Variants in LIN28B observed in about 807,000 individuals in gnomAD.
The protein encoded by LIN28B is lin-28 RNA binding posttranscriptional regulator B, also known as protein lin-28 homolog B.
Under a neutral mutation model 21.9 loss-of-function variants are expected in LIN28B, and 5 were observed. The observed-to-expected ratio is 0.23, with a 90% CI of 0.12 to 0.48. LIN28B has a LOEUF of 0.48. LIN28B is among the 20% of genes least tolerant of loss of function. The pLI is 0.98. For synonymous variants in LIN28B, 109 were observed against 111.3 expected (o/e 0.98, Z 0.13); for missense variants, 245 against 310.5 (o/e 0.79, Z 1.58).
At chr6:104,961,110 TA>T (rs1176658870) in intron 2 of LIN28B, among the ~76,000 whole-genome samples, 2 of 152,208 alleles carry the variant, frequency 1.3e-5, no homozygotes, top group Non-Finnish European at 2.9e-5. Context: ...TAAATAATCA[TA>T]TTTTTATGAT....
intron 2 of LIN28B, among the ~76,000 whole-genome samples, chr6:104,982,396 A>G (rs1195059157): frequency 6.6e-6 from 1 of 152,230 alleles, no homozygotes; most frequent in Non-Finnish European, 1.5e-5. Flanking sequence ...TAATGCCCCA[A>G]AAGCATGTTT....
chr6:105,031,512 A>G (rs896354971), intron 3 of LIN28B, among the ~76,000 whole-genome samples: 1 of 151,586 alleles, frequency 6.6e-6, no homozygotes, highest in Non-Finnish European at 1.5e-5. Flanking sequence ...ATTGTCATAT[A>G]GTAAAATTGA....
chr6:105,003,656 G>T (rs1044857925), intron 2 of LIN28B, among the ~76,000 whole-genome samples: 5 of 151,970 alleles, frequency 3.3e-5, no homozygotes, highest in African/African-American at 1.2e-4. Flanking sequence ...GGGACTACAG[G>T]GGTGCGCCAC....
chr6:104,967,674 AATT>A (rs199904941), intron 2 of LIN28B, among the ~76,000 whole-genome samples: 107 of 148,454 alleles, frequency 7.2e-4, no homozygotes, highest in African/African-American at 2.0e-3. Flanking sequence ...TTATTTAATT[AATT>A]ATTATTATTA....
intron 3 of LIN28B, among the ~76,000 whole-genome samples, chr6:105,040,060 G>A (rs573914774): frequency 1.1e-4 from 16 of 151,908 alleles, no homozygotes; most frequent in South Asian, 6.2e-4. Flanking sequence ...TTTTCTCCTC[G>A]TTTACTCAGA....
intron 2 of LIN28B, among the ~76,000 whole-genome samples, chr6:104,961,963 A>G (rs1417006783): frequency 6.6e-6 from 1 of 152,232 alleles, no homozygotes. Context: ...GGGCAACGTT[A>G]ACCTAATAAC....
rs1778181259 is a variant in LIN28B, at chr6:104,948,291, A to AC, written c.19-2166dup. ...AGGCCAGCCTGGCCAACATAGTGAA[A>AC]CCCCATCTCTACTAAAAATAGAAAA... On this transcript the variant is annotated intron_variant, in intron 2 of 5. Transcript: ENST00000635857. 2.6e-5 allele frequency among the ~76,000 whole-genome samples: 4 copies of AC among 152,276 alleles called. No homozygotes were observed. In the South Asian group the frequency reaches 8.3e-4, roughly 32 times the overall value.
intron 3 of LIN28B, among the ~76,000 whole-genome samples, chr6:105,046,385 A>T (rs982027329): frequency 6.6e-6 from 1 of 152,212 alleles, no homozygotes; most frequent in Non-Finnish European, 1.5e-5. Flanking sequence ...CATGGTGTAT[A>T]TGTGCCACAT....
At chr6:105,057,432 C>T (rs1408009702) in intron 3 of LIN28B, among the ~76,000 whole-genome samples, 5 of 152,178 alleles carry the variant, frequency 3.3e-5, no homozygotes, top group African/African-American at 1.2e-4. Flanking sequence ...ACATGCAGCT[C>T]ATTTGAAGAG....
intron 2 of LIN28B, among the ~76,000 whole-genome samples, chr6:104,959,822 T>C (rs1229662129): frequency 6.6e-6 from 1 of 152,212 alleles, no homozygotes; most frequent in Non-Finnish European, 1.5e-5. Context: ...AAATTGTTTT[T>C]TATGATCTCA....
At chr6:105,075,994 A>C (rs1359707609) in intron 3 of LIN28B, among the ~76,000 whole-genome samples, 1 of 152,216 alleles carries the variant, frequency 6.6e-6, no homozygotes, top group Non-Finnish European at 1.5e-5. Flanking sequence ...ATTGTAGAGG[A>C]GAACTGTGTG....
intron 2 of LIN28B, among the ~76,000 whole-genome samples, chr6:104,945,456 CTTG>C (rs1474457105): frequency 6.6e-6 from 1 of 151,754 alleles, no homozygotes; most frequent in Non-Finnish European, 1.5e-5. Flanking sequence ...ATAAAATTTC[CTTG>C]TTATTATTGT....
intron 2 of LIN28B, among the ~76,000 whole-genome samples, chr6:105,025,807 CTTT>C (rs530956563): frequency 6.9e-6 from 1 of 145,416 alleles, no homozygotes. Flanking sequence ...TTCTTTAACT[CTTT>C]TTTTTTTTAA....
At chr6:104,960,650 A>G (rs1769721345) in intron 2 of LIN28B, among the ~76,000 whole-genome samples, 1 of 152,020 alleles carries the variant, frequency 6.6e-6, no homozygotes, top group Admixed American at 6.5e-5. Flanking sequence ...TTAATAATGT[A>G]TATTTGGAGA....
intron 2 of LIN28B, among the ~76,000 whole-genome samples, chr6:104,987,859 C>T (rs937789957): frequency 2.0e-5 from 3 of 151,984 alleles, no homozygotes; most frequent in Non-Finnish European, 4.4e-5. Flanking sequence ...ATCTCCTGCC[C>T]CAGCCTTCCG....
rs534429927 is a variant in LIN28B, at chr6:105,082,654, A to G, written c.*3871A>G. 2.6e-5 allele frequency: 4 copies of G among 152,782 alleles called. No individual in the cohort carries two copies. The highest frequency in any genetic ancestry group is 7.2e-5 in the African/African-American group (3 of 41,586). 9.5% of individuals were successfully genotyped at this position (152,782 alleles called of 1,614,324 possible). On this transcript the variant is annotated 3_prime_UTR_variant, in exon 4 of 4. Coordinates refer to ENST00000345080, the MANE Select transcript of LIN28B (RefSeq NM_001004317.4). Reference sequence around the variant, plus strand: ...TTAAAAGCATCAAACTCTGTCTTACATAGCTGTCAACAGCCTCTTTAAGAT... The same window carrying G: ...TTAAAAGCATCAAACTCTGTCTTACGTAGCTGTCAACAGCCTCTTTAAGAT...
chr6:105,047,824 G>C (rs1220536864), intron 3 of LIN28B, among the ~76,000 whole-genome samples: 2 of 152,128 alleles, frequency 1.3e-5, no homozygotes, highest in Non-Finnish European at 1.5e-5. Context: ...CTGTTTGTCT[G>C]TTATTGGTGT....
intron 3 of LIN28B, among the ~76,000 whole-genome samples, chr6:105,033,848 G>A (rs894386694): frequency 6.6e-6 from 1 of 151,606 alleles, no homozygotes; most frequent in Non-Finnish European, 1.5e-5. Context: ...TTATGGGTGA[G>A]GGTGGTAGAA....
At chr6:105,015,470 C>G (rs1304594939) in intron 2 of LIN28B, among the ~76,000 whole-genome samples, 1 of 151,744 alleles carries the variant, frequency 6.6e-6, no homozygotes, top group African/African-American at 2.4e-5. Flanking sequence ...GCTTTTTTAT[C>G]AATTTGATAA....
Sources: allele counts gnomAD v4.1 joint callset (sites outside exome capture counted in the v4.1 genomes callset), GRCh38; gene constraint gnomAD v4.1.1; transcripts MANE v1.5; gene names NCBI Gene and HGNC (gene_info 2026-07-23, HGNC 2026-07-21).